The following DMD variants were observed in gnomAD, a reference collection of about 807,000 sequenced individuals.
DMD encodes mutant dystrophin.
A neutral mutation model predicts 330.1 loss-of-function variants in DMD; 63 were observed. The ratio of observed to expected loss-of-function variants is 0.19; its 90% CI spans 0.16 to 0.24. DMD has a LOEUF of 0.24. DMD is among the 10% of genes least tolerant of loss of function. The pLI is 1.00. For missense variants in DMD, 3,344 were observed against 2,684.1 expected, an observed-to-expected ratio of 1.25 and a Z score of -5.43; for synonymous variants, 1,223 against 959.8, an observed-to-expected ratio of 1.27 and a Z score of -5.07.
chrX:32,980,272 G>T (rs1221477158), intron 2 of DMD, among the ~76,000 whole-genome samples: 1 of 104,447 alleles, frequency 9.6e-6, no homozygotes, highest in African/African-American at 3.5e-5. Flanking sequence ...AGGCTGAGGC[G>T]CGAGGAATGC....
At chrX:31,557,243 T>C (rs188601082) in intron 55 of DMD, among the ~76,000 whole-genome samples, 1 of 111,652 alleles carries the variant, frequency 9.0e-6, no homozygotes, top group East Asian at 2.8e-4. Flanking sequence ...GGCCATTATA[T>C]GACACGGAAC....
intron 45 of DMD, among the ~76,000 whole-genome samples, chrX:31,934,928 A>C (rs1209551514): frequency 2.7e-5 from 3 of 112,113 alleles, no homozygotes; most frequent in African/African-American, 9.7e-5. Flanking sequence ...TCTCTTATTT[A>C]AATTGAAAAA....
chrX:31,231,594 T>C (rs1015312459), intron 63 of DMD, among the ~76,000 whole-genome samples: 1 of 112,834 alleles, frequency 8.9e-6, no homozygotes, highest in Non-Finnish European at 1.9e-5. Flanking sequence ...AATATTCATA[T>C]GTAGGCCAGG....
chrX:31,822,653 G>GGGGTGTGTGTGTGTGTGTGTGTGTGT (rs58903799), intron 49 of DMD, among the ~76,000 whole-genome samples: 4 of 65,811 alleles, frequency 6.1e-5, no homozygotes, highest in African/African-American at 1.3e-4. Context: ...AAGGCAGAGG[G>GGGGTGTGTGTGTGTGTGTGTGTGTGT]GTGTGTGTGT....
At chrX:32,134,175 T>C (rs2096713271) in intron 44 of DMD, among the ~76,000 whole-genome samples, 1 of 111,498 alleles carries the variant, frequency 9.0e-6, no homozygotes, top group African/African-American at 3.3e-5. Context: ...CTATACAATA[T>C]ACTTATCGTA....
chrX:31,958,096 GTTTTTT>G (rs745655022), intron 45 of DMD, among the ~76,000 whole-genome samples: 246 of 74,556 alleles, frequency 3.3e-3, no homozygotes, highest in African/African-American at 0.012. Context: ...CATTTGGCCT[GTTTTTT>G]TTTTTTTTTT....
At position 33,068,103 on chromosome X, in the gene DMD, G is replaced by T. The variant is rs1057079672; in HGVS notation, c.32-47903C>A. On this transcript the variant is annotated intron_variant, in intron 1 of 78. Transcript: ENST00000357033. ...AGAAAGAATTCAAAACCCAGAATGG[G>T]AATAACAAAGACCTTTTAGAGTTGT... 1.7e-4 allele frequency among the ~76,000 whole-genome samples: 19 copies of T among 111,895 alleles called. 2 individuals carry two copies. Among genetic ancestry groups the T allele is most frequent in the Admixed American group, 1.6e-3 (17 of 10,490 alleles).
At chrX:32,357,757 T>A (rs1489556563) in intron 37 of DMD, among the ~76,000 whole-genome samples, 1 of 110,560 alleles carries the variant, frequency 9.0e-6, no homozygotes, top group African/African-American at 3.3e-5. Context: ...TTAGTCTGGC[T>A]GTCCATGACC....
chrX:31,940,097 G>T (rs1371355095), intron 45 of DMD, among the ~76,000 whole-genome samples: 1 of 111,610 alleles, frequency 9.0e-6, no homozygotes, highest in Non-Finnish European at 1.9e-5. Flanking sequence ...GAGGCAGACA[G>T]TAAACAAGAT....
chrX:31,556,681 C>T (rs1346769736), intron 55 of DMD, among the ~76,000 whole-genome samples: 1 of 110,984 alleles, frequency 9.0e-6, no homozygotes. Flanking sequence ...CATTTTCACA[C>T]GTTCGTTCCA....
At chrX:32,684,048 C>G (rs2062662889) in intron 9 of DMD, among the ~76,000 whole-genome samples, 1 of 105,897 alleles carries the variant, frequency 9.4e-6, no homozygotes, top group Admixed American at 1.0e-4. Context: ...CACACACACA[C>G]ACACACAGTG....
rs1569563685 is a variant in DMD at position 32,463,570 on chromosome X, T to C, written c.3301A>G (p.Ile1101Val). ...CRLLVSDIQT[I>V]QPSLNSVNEG... ...TTGACACTGTTTAGACTGGGCTGAA[T>C]TGTCTGAATATCACTGACTAAAAGC... Residue 1101 changes from isoleucine (I) to valine (V), a missense_variant, in exon 25 of 79, where the codon ATT (isoleucine) becomes GTT (valine). By Grantham distance (29) the Ile-to-Val change is conservative. Transcript: ENST00000357033. The C allele has an allele frequency of 8.4e-7, 1 of 1,187,452 alleles. No individual in the cohort carries two copies. The highest frequency in any genetic ancestry group is 1.1e-6 in the Non-Finnish European group (1 of 882,433).
At chrX:32,884,078 C>T (rs1198235714) in intron 2 of DMD, among the ~76,000 whole-genome samples, 1 of 110,395 alleles carries the variant, frequency 9.1e-6, no homozygotes, top group Admixed American at 9.8e-5. Flanking sequence ...GTTACTTAAA[C>T]ATGCCATCCT....
At chrX:31,133,383 C>A (rs1399347312) in intron 77 of DMD, among the ~76,000 whole-genome samples, 1 of 111,909 alleles carries the variant, frequency 8.9e-6, no homozygotes, top group Non-Finnish European at 1.9e-5. Context: ...CAGAAACGAA[C>A]AGTAGCAGCA....
At chrX:32,841,758 A>G (rs928198648) in intron 4 of DMD, among the ~76,000 whole-genome samples, 2 of 112,186 alleles carry the variant, frequency 1.8e-5, no homozygotes, top group African/African-American at 6.5e-5. Flanking sequence ...ATAATAACCT[A>G]ATATAGTATC....
intron 52 of DMD, among the ~76,000 whole-genome samples, chrX:31,713,592 G>A (rs1188605537): frequency 4.5e-5 from 5 of 111,643 alleles, no homozygotes; most frequent in Middle Eastern, 4.6e-3. Flanking sequence ...ATGAATAAAC[G>A]GATGGATGTA....
intron 60 of DMD, among the ~76,000 whole-genome samples, chrX:31,435,269 G>A (rs1456891511): frequency 1.8e-5 from 2 of 111,931 alleles, no homozygotes; most frequent in East Asian, 2.8e-4. Flanking sequence ...CTCAGTAAGC[G>A]TAATGCTCAC....
At chrX:33,243,258 A>G (rs1253833445) in intron 1 of DMD, among the ~76,000 whole-genome samples, 1 of 111,779 alleles carries the variant, frequency 8.9e-6, no homozygotes, top group East Asian at 2.8e-4. Flanking sequence ...TTTCAGATAG[A>G]TTGCTATGGG....
At chrX:32,671,921 T>C (rs1036251599) in intron 9 of DMD, among the ~76,000 whole-genome samples, 49 of 111,825 alleles carry the variant, frequency 4.4e-4, no homozygotes, top group African/African-American at 1.5e-3. Context: ...TCATCCATCA[T>C]TGGTTTATTG....
Sources: allele counts gnomAD v4.1 joint callset (sites outside exome capture counted in the v4.1 genomes callset), GRCh38; gene constraint gnomAD v4.1.1; transcripts MANE v1.5; gene names NCBI Gene and HGNC (gene_info 2026-07-23, HGNC 2026-07-21).